Variants in EYA1 observed in about 807,000 individuals in gnomAD.
EYA1 encodes EYA transcriptional coactivator and phosphatase 1.
In EYA1, 16 loss-of-function variants were observed where a neutral mutation model predicts 82.0. That is an observed-to-expected ratio of 0.20 (90% CI 0.13 to 0.30). The LOEUF is 0.30. Among genes scored for constraint, EYA1 ranks in the 10% least tolerant of loss-of-function variants. The probability of loss-of-function intolerance (pLI) is 1.00; values close to 1 mark genes in which losing one functional copy is unlikely to be tolerated. For synonymous variants in EYA1, 261 were observed against 264.4 expected, an observed-to-expected ratio of 0.99 and a Z score of 0.12; for missense variants, 633 against 730.7, an observed-to-expected ratio of 0.87 and a Z score of 1.54.
chr8:71,537,195 C>T (rs2129289196), intron 1 of EYA1, among the ~76,000 whole-genome samples: 1 of 152,158 alleles, frequency 6.6e-6, no homozygotes, highest in South Asian at 2.1e-4. Flanking sequence ...ACATAAATAA[C>T]TAGATTCTTA....
At chr8:71,225,566 C>T (rs542878474) in intron 12 of EYA1, among the ~76,000 whole-genome samples, 4 of 152,294 alleles carry the variant, frequency 2.6e-5, no homozygotes, top group African/African-American at 4.8e-5. Context: ...TTAAGACACA[C>T]CTGGACAAAT....
intron 2 of EYA1, among the ~76,000 whole-genome samples, chr8:71,368,430 T>C (rs1425566355): frequency 6.6e-6 from 1 of 151,834 alleles, no homozygotes; most frequent in African/African-American, 2.4e-5. Flanking sequence ...TCTTCCCTGC[T>C]TGTAGAGAGT....
chr8:71,224,104 T>C (rs1417889040), intron 12 of EYA1, among the ~76,000 whole-genome samples: 1 of 152,182 alleles, frequency 6.6e-6, no homozygotes, highest in Non-Finnish European at 1.5e-5. Context: ...CCTGAAGTCC[T>C]TGAATAAACA....
chr8:71,278,835 A>T (rs1817495756), intron 9 of EYA1, among the ~76,000 whole-genome samples: 1 of 152,192 alleles, frequency 6.6e-6, no homozygotes, highest in South Asian at 2.1e-4. Context: ...CAGGGACTAC[A>T]TATGCCAGTA....
chr8:71,511,506 G>A (rs773249001), intron 2 of EYA1, among the ~76,000 whole-genome samples: 7 of 152,254 alleles, frequency 4.6e-5, no homozygotes, highest in Admixed American at 2.0e-4. Context: ...GTTTTGTGTT[G>A]GAGTAGAAAT....
chr8:71,308,803 A>G (rs1821015255), intron 7 of EYA1, among the ~76,000 whole-genome samples: 1 of 151,784 alleles, frequency 6.6e-6, no homozygotes, highest in Non-Finnish European at 1.5e-5. Context: ...AATCCCAGCC[A>G]ACATAAGAAT....
In EYA1 at chr8:71,436,252, C is replaced by T. The variant is rs1382927062; in HGVS notation, c.34-79741G>A. Among the ~76,000 whole-genome samples, 3 of 152,128 alleles carry T rather than the reference C, an allele frequency of 2.0e-5. No homozygotes were observed. In the East Asian group the frequency reaches 5.8e-4, roughly 29 times the overall value. ...AGCATATCCCATTGACTACACAATG[C>T]AAGATTCACTTTCCATTTATGTGTA... On this transcript the variant is annotated intron_variant, in intron 2 of 18. Transcript: ENST00000643681.
chr8:71,355,451 A>G (rs1243505177), intron 2 of EYA1, among the ~76,000 whole-genome samples: 2 of 152,212 alleles, frequency 1.3e-5, no homozygotes, highest in Non-Finnish European at 2.9e-5. Context: ...GTCTAGTGAC[A>G]GGGAATGAGA....
At position 71,360,161 on chromosome 8, in the gene EYA1, T is replaced by C. The variant is rs542751332; in HGVS notation, c.-55+1486A>G. On this transcript the variant is annotated intron_variant, in intron 1 of 17. Transcript: ENST00000340726. ...TGCTGATTATTTTCAAGTAGTATAG[T>C]ACATTACTTTTTGCAATGCGTCGTT... Among the ~76,000 whole-genome samples the C allele has an allele frequency of 6.5e-4, 99 of 152,334 alleles. No individual in the cohort carries two copies. In the South Asian group the frequency reaches 0.019, roughly 30 times the overall value.
intron 2 of EYA1, among the ~76,000 whole-genome samples, chr8:71,507,105 T>C (rs1354933721): frequency 1.3e-5 from 2 of 152,190 alleles, no homozygotes; most frequent in Non-Finnish European, 2.9e-5. Context: ...ACGTACTATG[T>C]GCCAGGCACT....
chr8:71,347,298 T>C (rs1262568805), intron 3 of EYA1, among the ~76,000 whole-genome samples: 1 of 152,096 alleles, frequency 6.6e-6, no homozygotes, highest in East Asian at 1.9e-4. Context: ...GCCTAAAAGT[T>C]ACCCTAAAGA....
chr8:71,470,495 C>A (rs1009138021), intron 2 of EYA1, among the ~76,000 whole-genome samples: 1 of 151,966 alleles, frequency 6.6e-6, no homozygotes, highest in Non-Finnish European at 1.5e-5. Context: ...CAAAAGTAGT[C>A]GAGCTTTTTG....
chr8:71,334,325 C>A, intron 3 of EYA1, 151 bp from the exon 4 acceptor site: 1 of 723,194 alleles, frequency 1.4e-6, no homozygotes, highest in Non-Finnish European at 2.5e-6. Context: ...TAAATAGACT[C>A]CTTTTAAAAA....
At chr8:71,319,497 T>C (rs558732282) in intron 6 of EYA1, among the ~76,000 whole-genome samples, 38 of 152,114 alleles carry the variant, frequency 2.5e-4, no homozygotes, top group African/African-American at 8.4e-4. Flanking sequence ...GATAAGAACA[T>C]GTAAGGAAAG....
intron 2 of EYA1, among the ~76,000 whole-genome samples, chr8:71,506,391 G>A (rs1812194274): frequency 6.6e-6 from 1 of 152,156 alleles, no homozygotes; most frequent in Admixed American, 6.5e-5. Flanking sequence ...GGGTGACCCT[G>A]GTTTTGTTTG....
Position 71,239,599 on chromosome 8 carries a change from T to C in EYA1, c.1140+5004A>G, listed in dbSNP as rs529743148. On this transcript the variant is annotated intron_variant, in intron 12 of 17. Coordinates refer to ENST00000340726, the MANE Select transcript of EYA1 (RefSeq NM_000503.6). ...GTTGAAAATGACAAGTGGCATTCCA[T>C]ATGTGTGTACATATACATAGGGACC... is the stretch of plus-strand genomic sequence containing the variant. Among the ~76,000 whole-genome samples, 5 of 152,338 alleles carry C rather than the reference T, an allele frequency of 3.3e-5. No individual in the cohort carries two copies. In the South Asian group the frequency reaches 1.0e-3, roughly 32 times the overall value.
chr8:71,235,178 C>A (rs960416796), intron 12 of EYA1, among the ~76,000 whole-genome samples: 1 of 152,174 alleles, frequency 6.6e-6, no homozygotes, highest in Non-Finnish European at 1.5e-5. Context: ...TTCACTCTTG[C>A]CCCGATTCCA....
chr8:71,275,144 C>T (rs183974941), intron 9 of EYA1, among the ~76,000 whole-genome samples: 32 of 152,174 alleles, frequency 2.1e-4, no homozygotes, highest in South Asian at 1.0e-3. Flanking sequence ...AATGGGAGAC[C>T]GGCCAGGAGG....
At chr8:71,340,838 C>T (rs760582796) in intron 3 of EYA1, among the ~76,000 whole-genome samples, 1 of 151,906 alleles carries the variant, frequency 6.6e-6, no homozygotes, top group Non-Finnish European at 1.5e-5. Flanking sequence ...GTTTGGCTTG[C>T]GTTGAAATTC....
Sources: gnomAD v4.1 joint callset for allele counts (sites outside exome capture counted in the v4.1 genomes callset) on GRCh38, gnomAD v4.1.1 for gene constraint, MANE v1.5 for transcripts, NCBI Gene and HGNC (gene_info 2026-07-23, HGNC 2026-07-21) for gene names.